MARCHF1: variants seen among roughly 807,000 people sequenced by gnomAD.
The protein encoded by MARCHF1 is E3 ubiquitin-protein ligase MARCHF1.
Under a neutral mutation model 54.2 loss-of-function variants are expected in MARCHF1, and 40 were observed. That is an observed-to-expected ratio of 0.74 (90% CI 0.57 to 0.96). The LOEUF (loss-of-function observed/expected upper bound fraction) is 0.96. Among genes scored for constraint, MARCHF1 ranks in the 40% least tolerant of loss-of-function variants. MARCHF1 has a pLI of 0.00. For synonymous variants in MARCHF1, 236 were observed against 236.3 expected (o/e 1.00, Z 0.01); for missense variants, 586 against 656.5 (o/e 0.89, Z 1.17).
chr4:163,999,230 T>C (rs1753139459), intron 2 of MARCHF1, among the ~76,000 whole-genome samples: 1 of 151,556 alleles, frequency 6.6e-6, no homozygotes, highest in African/African-American at 2.4e-5. Context: ...GATATTATTT[T>C]GGTTAAAAAA....
chr4:164,228,323 A>G (rs1325642908), intron 1 of MARCHF1, among the ~76,000 whole-genome samples: 2 of 152,212 alleles, frequency 1.3e-5, no homozygotes, highest in East Asian at 1.9e-4. Context: ...TCCTAAGTCT[A>G]TTAGAGAACA....
At chr4:163,632,290 A>T (rs1350472375) in intron 5 of MARCHF1, among the ~76,000 whole-genome samples, 1 of 152,210 alleles carries the variant, frequency 6.6e-6, no homozygotes, top group African/African-American at 2.4e-5. Context: ...TCCCAGCCTG[A>T]GCGACGCAGA....
At chr4:164,121,754 C>G (rs1469612454) in intron 1 of MARCHF1, among the ~76,000 whole-genome samples, 4 of 152,148 alleles carry the variant, frequency 2.6e-5, no homozygotes, top group Admixed American at 2.6e-4. Flanking sequence ...CTGTTGAATT[C>G]CATCAAAAAT....
chr4:163,963,814 G>A (rs1370258279), intron 3 of MARCHF1, among the ~76,000 whole-genome samples: 1 of 151,870 alleles, frequency 6.6e-6, no homozygotes, highest in Non-Finnish European at 1.5e-5. Context: ...AGGCCCTGAA[G>A]GATGAAATAC....
rs1045755278 is a variant in MARCHF1, at chr4:163,558,950, T to C, written c.1192-13207A>G. Among the ~76,000 whole-genome samples the C allele has an allele frequency of 2.0e-5, 3 of 152,336 alleles. No individual in the cohort carries two copies. The South Asian group carries it at 6.2e-4, about 32-fold the overall frequency. On this transcript the variant is annotated intron_variant, in intron 8 of 9. Transcript: ENST00000514618. ...TCCTCAGAATAGATACATTTATAAC[T>C]GCATCACACCCTTTTCACTTCCTCT...
Position 164,101,848 on chromosome 4 carries a change from T to G in MARCHF1, c.-248+9740A>C, listed in dbSNP as rs577018898. ...GGAGGACATTCAAACCAAAGGCAAA[T>G]AAGTTGAAAACTTTGAAAAAAAATT... is the stretch of plus-strand genomic sequence containing the variant. On this transcript the variant is annotated intron_variant, in intron 2 of 9. Coordinates refer to ENST00000514618, the MANE Select transcript of MARCHF1 (RefSeq NM_001394959.1). 1.4e-4 allele frequency among the ~76,000 whole-genome samples: 21 copies of G among 151,890 alleles called. No individual in the cohort carries two copies. The East Asian group carries it at 1.8e-3, about 13-fold the overall frequency.
At chr4:164,251,334 C>T (rs72691848) in intron 1 of MARCHF1, among the ~76,000 whole-genome samples, 14 of 152,144 alleles carry the variant, frequency 9.2e-5, no homozygotes, top group South Asian at 2.1e-4. Context: ...TTTTATTTCA[C>T]GAGACGGTAA....
At chr4:164,202,754 A>G (rs1295834289) in intron 1 of MARCHF1, among the ~76,000 whole-genome samples, 8 of 152,160 alleles carry the variant, frequency 5.3e-5, no homozygotes, top group Admixed American at 4.6e-4. Flanking sequence ...GTTCTCGAAT[A>G]TTTCCTACTA....
Position 164,299,008 on chromosome 4 carries a change from C to A in MARCHF1, c.-323+84862G>T, listed in dbSNP as rs76857842. ...GTTTCCAGTGTATTTTCTTTAAAAA[C>A]CATTATATTTCAAACAAAATACATT... On this transcript the variant is annotated intron_variant, in intron 1 of 9. Transcript: ENST00000514618. Among the ~76,000 whole-genome samples the A allele has an allele frequency of 2.6e-4, 40 of 152,160 alleles. 1 individual carries two copies. In the East Asian group the frequency reaches 5.8e-3, roughly 22 times the overall value.
intron 1 of MARCHF1, among the ~76,000 whole-genome samples, chr4:164,222,606 G>A (rs1407839473): frequency 6.6e-6 from 1 of 151,526 alleles, no homozygotes; most frequent in Non-Finnish European, 1.5e-5. Flanking sequence ...GAGAAAGGAA[G>A]GCAGAGAGAA....
chr4:163,773,832 C>T (rs942451630), intron 4 of MARCHF1, among the ~76,000 whole-genome samples: 1 of 152,102 alleles, frequency 6.6e-6, no homozygotes, highest in African/African-American at 2.4e-5. Context: ...GACAAAGTTT[C>T]TACATATCTG....
At chr4:164,142,964 G>T (rs972946227) in intron 1 of MARCHF1, among the ~76,000 whole-genome samples, 2 of 152,008 alleles carry the variant, frequency 1.3e-5, no homozygotes, top group Non-Finnish European at 2.9e-5. Flanking sequence ...AACCAAAACA[G>T]AGAAGAGCTT....
At chr4:163,860,787 T>C (rs577318070) in intron 3 of MARCHF1, among the ~76,000 whole-genome samples, 1 of 152,176 alleles carries the variant, frequency 6.6e-6, no homozygotes, top group Non-Finnish European at 1.5e-5. Flanking sequence ...AGACAAATAG[T>C]AGGGCACTAC....
chr4:163,607,969 C>T (rs1741199288), intron 7 of MARCHF1, among the ~76,000 whole-genome samples: 1 of 152,102 alleles, frequency 6.6e-6, no homozygotes, highest in Non-Finnish European at 1.5e-5. Flanking sequence ...GTTGGCTCTA[C>T]AGCAGGTGAG....
At chr4:163,668,039 C>G (rs141789544) in intron 5 of MARCHF1, among the ~76,000 whole-genome samples, 2 of 152,270 alleles carry the variant, frequency 1.3e-5, no homozygotes, top group East Asian at 3.9e-4. Flanking sequence ...TCACAATCTG[C>G]CAGCTATTTC....
chr4:164,154,387 GT>G (rs1170600761), intron 1 of MARCHF1, among the ~76,000 whole-genome samples: 11 of 152,204 alleles, frequency 7.2e-5, no homozygotes, highest in African/African-American at 2.7e-4. Context: ...TATGTTAAGG[GT>G]TTTGATTCAA....
chr4:163,932,618 C>T (rs1036836770), intron 3 of MARCHF1: 41 of 414,610 alleles, frequency 9.9e-5, no homozygotes, highest in Middle Eastern at 4.3e-4. Context: ...AGCAGGGCAC[C>T]GAGCTGTCCT....
chr4:164,115,591 C>G (rs552130220), intron 1 of MARCHF1, among the ~76,000 whole-genome samples: 2 of 151,992 alleles, frequency 1.3e-5, no homozygotes, highest in East Asian at 3.9e-4. Context: ...AAACTATATA[C>G]AAAACTGAAG....
intron 1 of MARCHF1, among the ~76,000 whole-genome samples, chr4:164,294,730 CTG>C (rs1330582201): frequency 6.6e-6 from 1 of 152,086 alleles, no homozygotes; most frequent in Non-Finnish European, 1.5e-5. Context: ...GTCTTAGAAA[CTG>C]TGAATATAAA....
Sources: allele counts gnomAD v4.1 joint callset (sites outside exome capture counted in the v4.1 genomes callset), GRCh38; gene constraint gnomAD v4.1.1; transcripts MANE v1.5; gene names NCBI Gene and HGNC (gene_info 2026-07-23, HGNC 2026-07-21).